Variants in PAK5 observed in about 807,000 individuals in gnomAD.
PAK5 encodes serine/threonine-protein kinase PAK 5.
A neutral mutation model predicts 65.9 loss-of-function variants in PAK5; 16 were observed. The observed-to-expected ratio is 0.24, with a 90% CI of 0.16 to 0.37. PAK5 has a LOEUF of 0.37. Among genes scored for constraint, PAK5 ranks in the 10% least tolerant of loss-of-function variants. The pLI is 1.00. For missense variants in PAK5, 785 were observed against 903.9 expected (o/e 0.87, Z 1.69); for synonymous variants, 371 against 354.9 (o/e 1.05, Z -0.51).
Position 9,711,360 on chromosome 20 carries a change from G to A in PAK5, c.-86C>T, listed in dbSNP as rs941654630. ...ATTTCTATTCTGCAACTTTTCGCTG[G>A]TGCTTGTCAGTCTTCTTCATTTTTC... On this transcript the variant is annotated 5_prime_UTR_variant, in exon 2 of 10. Coordinates refer to ENST00000353224, the MANE Select transcript of PAK5 (RefSeq NM_177990.4). 1.3e-5 allele frequency: 2 copies of A among 152,120 alleles called. No individual in the cohort carries two copies. The highest frequency in any genetic ancestry group is 2.4e-5 in the African/African-American group (1 of 41,414). 9.4% of individuals were successfully genotyped at this position (152,120 alleles called of 1,614,324 possible).
intron 1 of PAK5, among the ~76,000 whole-genome samples, chr20:9,768,123 A>C (rs1465680290): frequency 6.6e-6 from 1 of 152,160 alleles, no homozygotes; most frequent in Non-Finnish European, 1.5e-5. Context: ...TTTGATTACT[A>C]TGGGCACGTA....
At chr20:9,566,732 T>C (rs376134063) in intron 4 of PAK5, among the ~76,000 whole-genome samples, 1 of 152,294 alleles carries the variant, frequency 6.6e-6, no homozygotes, top group East Asian at 1.9e-4. Context: ...TTTCCCATGC[T>C]TCTGAATTCA....
chr20:9,769,377 A>G (rs963886371), intron 1 of PAK5, among the ~76,000 whole-genome samples: 2 of 152,248 alleles, frequency 1.3e-5, no homozygotes, highest in Non-Finnish European at 2.9e-5. Context: ...TAGTTCCTCT[A>G]CATCCCTGCC....
chr20:9,600,680 G>T (rs922299765), intron 3 of PAK5, among the ~76,000 whole-genome samples: 1 of 152,196 alleles, frequency 6.6e-6, no homozygotes, highest in Non-Finnish European at 1.5e-5. Context: ...CCCAGCAAGG[G>T]ATTAACCTTT....
intron 3 of PAK5, among the ~76,000 whole-genome samples, chr20:9,613,417 G>A (rs988378949): frequency 2.6e-5 from 4 of 152,188 alleles, no homozygotes; most frequent in African/African-American, 9.7e-5. Context: ...GGATTGAGGA[G>A]TTGCTGGGAG....
chr20:9,556,161 C>T (rs1339280305), intron 7 of PAK5, among the ~76,000 whole-genome samples: 1 of 152,092 alleles, frequency 6.6e-6, no homozygotes, highest in African/African-American at 2.4e-5. Flanking sequence ...TCTACTGTAC[C>T]GTTCTTTCTT....
chr20:9,830,872 TG>T (rs1978657661), intron 1 of PAK5, among the ~76,000 whole-genome samples: 2 of 152,116 alleles, frequency 1.3e-5, no homozygotes. Flanking sequence ...GAGGGATGAG[TG>T]GTATTCAACC....
intron 7 of PAK5, among the ~76,000 whole-genome samples, chr20:9,555,817 C>T (rs117924682): frequency 0.02 from 3,068 of 152,266 alleles, 44 homozygotes; most frequent in Non-Finnish European, 0.029. Context: ...GGCTTGCCTC[C>T]TTTGGTGCTC....
chr20:9,786,181 GC>G (rs1428199050), intron 1 of PAK5, among the ~76,000 whole-genome samples: 1 of 152,074 alleles, frequency 6.6e-6, no homozygotes, highest in Non-Finnish European at 1.5e-5. Flanking sequence ...TTTTTAAGAG[GC>G]TTTTCCAGAA....
Position 9,557,720 on chromosome 20 carries a change from T to G in PAK5, c.1631A>C (p.Gln544Pro), listed in dbSNP as rs1230282451. The change falls in exon 7 of 10, where the codon CAG becomes CCG. Residue 544 changes from glutamine to proline, a missense_variant. Physicochemically the swap from Gln to Pro is moderately conservative, Grantham distance 76. Coordinates refer to ENST00000353224, the MANE Select transcript of PAK5 (RefSeq NM_177990.4). ...AACTGACAGGCAGACAGTAGCTATC[T>G]GTTCTTCATTCATTCTGGAAAGGAA... is the stretch of plus-strand genomic sequence containing the variant. ...IVTHTRMNEEQIATVCLSVLR... is the reference protein window; with the variant it reads ...IVTHTRMNEEPIATVCLSVLR... 6.2e-7 allele frequency: 1 copy of G among 1,611,688 alleles called. No homozygotes were observed. Among genetic ancestry groups the G allele is most frequent in the Non-Finnish European group, 8.5e-7 (1 of 1,178,070 alleles).
At chr20:9,710,990 C>T (rs1048222529) in intron 2 of PAK5, among the ~76,000 whole-genome samples, 1 of 152,194 alleles carries the variant, frequency 6.6e-6, no homozygotes, top group Non-Finnish European at 1.5e-5. Flanking sequence ...GACACTCAAA[C>T]TAAAGTAGTC....
rs953503175 is a variant in PAK5 at position 9,670,957 on chromosome 20, G to A, written c.-11-26618C>T. 4.6e-5 allele frequency among the ~76,000 whole-genome samples: 7 copies of A among 152,276 alleles called. No individual in the cohort carries two copies. The East Asian group carries it at 1.4e-3, about 29-fold the overall frequency. On this transcript the variant is annotated intron_variant, in intron 2 of 9. Coordinates refer to ENST00000353224, the MANE Select transcript of PAK5 (RefSeq NM_177990.4). ...TCTTGAATTAATTTTTGTATAAGGT[G>A]TAAGGAAGGGATCCAGTTTCAGCTT...
At chr20:9,673,300 C>T (rs923961912) in intron 2 of PAK5, among the ~76,000 whole-genome samples, 1 of 151,980 alleles carries the variant, frequency 6.6e-6, no homozygotes, top group Non-Finnish European at 1.5e-5. Flanking sequence ...AGAAATGAAT[C>T]TCTCAAATCT....
chr20:9,685,461 G>T (rs1012367667), intron 2 of PAK5, among the ~76,000 whole-genome samples: 2 of 152,140 alleles, frequency 1.3e-5, no homozygotes, highest in African/African-American at 4.8e-5. Flanking sequence ...TAATCATGAA[G>T]AAAGAGATCC....
intron 5 of PAK5, among the ~76,000 whole-genome samples, chr20:9,565,045 T>C (rs999916812): frequency 6.6e-6 from 1 of 151,894 alleles, no homozygotes; most frequent in Non-Finnish European, 1.5e-5. Context: ...TTTAATAAAT[T>C]TGATACATGT....
intron 1 of PAK5, among the ~76,000 whole-genome samples, chr20:9,791,247 C>G (rs2049046955): frequency 6.6e-6 from 1 of 152,148 alleles, no homozygotes; most frequent in Non-Finnish European, 1.5e-5. Flanking sequence ...CTGGAAAGAC[C>G]TAGCAGGGTG....
At chr20:9,673,739 T>C (rs542157178) in intron 2 of PAK5, among the ~76,000 whole-genome samples, 1 of 152,268 alleles carries the variant, frequency 6.6e-6, no homozygotes, top group East Asian at 1.9e-4. Context: ...ATCAGTATAC[T>C]GTATTATAGT....
intron 9 of PAK5, among the ~76,000 whole-genome samples, chr20:9,541,775 G>T (rs187549744): frequency 2.6e-5 from 4 of 152,264 alleles, no homozygotes; most frequent in Admixed American, 2.0e-4. Context: ...GGAGGGACTT[G>T]GTGGAAGGTA....
intron 1 of PAK5, among the ~76,000 whole-genome samples, chr20:9,767,123 C>T (rs1174562509): frequency 6.6e-6 from 1 of 152,120 alleles, no homozygotes; most frequent in African/African-American, 2.4e-5. Flanking sequence ...CTTGGGACCC[C>T]TTCCAGAATT....
Sources: allele counts gnomAD v4.1 joint callset (sites outside exome capture counted in the v4.1 genomes callset), GRCh38; gene constraint gnomAD v4.1.1; transcripts MANE v1.5; gene names NCBI Gene and HGNC (gene_info 2026-07-23, HGNC 2026-07-21).